The following PI4KA variants were observed in gnomAD, a reference collection of about 807,000 sequenced individuals.
PI4KA encodes PI4-kinase alpha.
PI4KA carries 122 observed loss-of-function variants against 271.4 expected under a neutral mutation model. That is an observed-to-expected ratio of 0.45 (90% CI 0.39 to 0.52). The LOEUF is 0.52. Ranked by LOEUF, PI4KA falls within the 20% of genes least tolerant of loss-of-function variation. The pLI is 0.00. For synonymous variants in PI4KA, 1,041 were observed against 1,078.8 expected (o/e 0.96, Z 0.69); for missense variants, 1,969 against 2,769.1 (o/e 0.71, Z 6.48).
intron 19 of PI4KA, among the ~76,000 whole-genome samples, chr22:20,783,451 A>C (rs1601486691): frequency 7.0e-6 from 1 of 142,226 alleles, no homozygotes; most frequent in Admixed American, 7.2e-5. Context: ...AAAAAAAAAA[A>C]AGACAGAAAG....
At chr22:20,799,554 C>T in intron 15 of PI4KA, 117 bp downstream of exon 15, 2 of 797,070 alleles carry the variant, frequency 2.5e-6, no homozygotes, top group Non-Finnish European at 4.2e-6. Flanking sequence ...TGATACATGC[C>T]TATGCTCTGA....
intron 19 of PI4KA, among the ~76,000 whole-genome samples, chr22:20,792,137 AAAAT>A (rs1259308890): frequency 1.3e-5 from 2 of 152,162 alleles, no homozygotes; most frequent in African/African-American, 2.4e-5. Flanking sequence ...ATAAAAAATA[AAAAT>A]AAATAAATAA....
intron 2 of PI4KA, among the ~76,000 whole-genome samples, chr22:20,836,331 T>C (rs1924864367): frequency 6.6e-6 from 1 of 152,192 alleles, no homozygotes; most frequent in South Asian, 2.1e-4. Flanking sequence ...GGGGACTTTG[T>C]TATACCATAA....
chr22:20,792,473 TGAG>T (rs1208227129), intron 19 of PI4KA, among the ~76,000 whole-genome samples: 2 of 151,424 alleles, frequency 1.3e-5, no homozygotes, highest in African/African-American at 2.4e-5. Context: ...TACTATGGGG[TGAG>T]GAGGAGGGAA....
intron 35 of PI4KA, 22 bp downstream of exon 35, chr22:20,733,714 A>G: frequency 6.2e-7 from 1 of 1,613,884 alleles, no homozygotes; most frequent in Non-Finnish European, 8.5e-7. Flanking sequence ...TGGACGCTGC[A>G]CAGCACATCT....
chr22:20,816,328 T>C (rs557460237), intron 7 of PI4KA, among the ~76,000 whole-genome samples: 3 of 152,254 alleles, frequency 2.0e-5, no homozygotes, highest in Admixed American at 6.5e-5. Context: ...AGGGTCTCAC[T>C]ATGTTGCCCA....
intron 22 of PI4KA, among the ~76,000 whole-genome samples, chr22:20,763,026 G>GT (rs1555888580): frequency 0.082 from 5,636 of 68,494 alleles, 504 homozygotes; most frequent in Middle Eastern, 0.11. Context: ...TTGGGGGGGG[G>GT]GGGGGTTAGA....
chr22:20,714,273 C>T (rs1925696638), intron 47 of PI4KA, among the ~76,000 whole-genome samples, 185 bp downstream of exon 47: 1 of 152,178 alleles, frequency 6.6e-6, no homozygotes, highest in African/African-American at 2.4e-5. Flanking sequence ...TGGGGTGGCA[C>T]ATCTGTCAGT....
At chr22:20,816,945 G>A (rs1327297375) in intron 7 of PI4KA, among the ~76,000 whole-genome samples, 1 of 152,178 alleles carries the variant, frequency 6.6e-6, no homozygotes, top group African/African-American at 2.4e-5. Context: ...AGCCTCCAAG[G>A]GCACATCATG....
At chr22:20,742,572 A>G (rs761215262) in intron 31 of PI4KA, 36 bp downstream of exon 31, 3 of 1,611,476 alleles carry the variant, frequency 1.9e-6, no homozygotes. Context: ...TCATTTAGAA[A>G]CGAGCCCAGA....
intron 44 of PI4KA, among the ~76,000 whole-genome samples, chr22:20,718,404 G>A (rs1381518277): frequency 6.6e-6 from 1 of 152,184 alleles, no homozygotes; most frequent in Non-Finnish European, 1.5e-5. Flanking sequence ...AAATTGTGGA[G>A]CCATGTGCTA....
At position 20,752,893 on chromosome 22, in the gene PI4KA, A is replaced by G. The variant is rs747754047; in HGVS notation, c.2987+10T>C. The G allele has an allele frequency of 4.3e-6, 7 of 1,613,558 alleles. No individual in the cohort carries two copies. Among genetic ancestry groups the G allele is most frequent in the African/African-American group, 4.0e-5 (3 of 74,920 alleles). On this transcript the variant is annotated intron_variant, in intron 25 of 54. Transcript: ENST00000255882. ...ATACACACAAAACATTAGCAGGAAA[A>G]TGAGCTTACTTATCCACCAGACCAG...
chr22:20,757,703 C>A (rs1033317784), intron 23 of PI4KA, among the ~76,000 whole-genome samples: 6 of 152,130 alleles, frequency 3.9e-5, no homozygotes, highest in Admixed American at 1.3e-4. Flanking sequence ...GCCACCGCAC[C>A]TGGCTAATTT....
Position 20,815,364 on chromosome 22 carries a change from T to C in PI4KA, c.857-1858A>G, listed in dbSNP as rs193152998. On this transcript the variant is annotated intron_variant, in intron 7 of 54. Coordinates refer to ENST00000255882, the MANE Select transcript of PI4KA (RefSeq NM_058004.4). ...CCACTGCACTCCATTCTGGTGACAG[T>C]AGGAGACTGCGTCTCAAAAAAAAAA... 3.8e-3 allele frequency among the ~76,000 whole-genome samples: 442 copies of C among 117,556 alleles called. 4 individuals carry two copies. The highest frequency in any genetic ancestry group is 0.014 in the African/African-American group (422 of 29,188). The allele number at this position is 117,556 out of a possible 152,430, so 77.1% of individuals were successfully genotyped here. A position where few individuals can be genotyped will look rare whatever the true frequency, so the allele number is the denominator to read the frequency against.
In PI4KA at chr22:20,804,338, T is replaced by C. The variant is rs754159754; in HGVS notation, c.1423A>G (p.Ile475Val). ...ATCAGCAGGGGCAAGTGAGCAATAA[T>C]GACTTTGCTGGACGTCTTGGACTGC... Reference protein sequence around the residue: ...KLQSKTSSKVIIAHLPLLICC... With the variant: ...KLQSKTSSKVVIAHLPLLICC... The change falls in exon 12 of 55, where the codon ATT becomes GTT. Residue 475 changes from isoleucine to valine, a missense_variant. Around this residue, in one of 13 missense-constraint regions of PI4KA, gnomAD observed 228 missense variants for 261.6 expected, o/e 0.87. Transcript: ENST00000255882. 36 of 1,613,918 alleles carry C rather than the reference T, an allele frequency of 2.2e-5. No individual in the cohort carries two copies. Among genetic ancestry groups the C allele is most frequent in the Non-Finnish European group, 2.9e-5 (34 of 1,179,918 alleles).
rs764985070 is a variant in PI4KA at position 20,804,418 on chromosome 22, AGAG to A, written c.1361-21_1361-19del. The A allele has an allele frequency of 2.9e-5, 45 of 1,530,276 alleles. No individual in the cohort carries two copies. Among genetic ancestry groups the A allele is most frequent in the Non-Finnish European group, 4.0e-5 (44 of 1,103,682 alleles). 94.8% of individuals were successfully genotyped at this position (1,530,276 alleles called of 1,614,324 possible). ...TTCTGCACCTTAATTCAAAACCAGA[AGAG>A]GAGATGAGTGATCAGCACAGGCCAG... On this transcript the variant is annotated intron_variant, in intron 11 of 54. Coordinates refer to ENST00000255882, the MANE Select transcript of PI4KA (RefSeq NM_058004.4).
intron 19 of PI4KA, chr22:20,779,197 T>C: frequency 3.1e-6 from 5 of 1,593,880 alleles, no homozygotes; most frequent in Non-Finnish European, 4.3e-6. Context: ...TGTGAGGGCC[T>C]CTTCCTGGGT....
chr22:20,845,469 A>G (rs1222308303), intron 1 of PI4KA, among the ~76,000 whole-genome samples: 1 of 152,224 alleles, frequency 6.6e-6, no homozygotes, highest in Non-Finnish European at 1.5e-5. Flanking sequence ...CTCTGAGAAC[A>G]AAAGACTAAG....
At chr22:20,846,448 G>A (rs918039616) in intron 1 of PI4KA, among the ~76,000 whole-genome samples, 2 of 151,806 alleles carry the variant, frequency 1.3e-5, no homozygotes, top group Admixed American at 6.6e-5. Context: ...AATACTGCAC[G>A]TTCTCAATTA....
Sources: allele counts gnomAD v4.1 joint callset (sites outside exome capture counted in the v4.1 genomes callset), GRCh38; gene constraint gnomAD v4.1.1; regional missense constraint gnomAD v4.1.1; transcripts MANE v1.5; gene names NCBI Gene and HGNC (gene_info 2026-07-23, HGNC 2026-07-21).